The following OIT3 variants were observed in gnomAD, a reference collection of about 807,000 sequenced individuals.
OIT3 encodes the protein oncoprotein induced transcript 3.
OIT3 carries 41 observed loss-of-function variants against 52.2 expected under a neutral mutation model. The ratio of observed to expected loss-of-function variants is 0.79; its 90% confidence interval spans 0.61 to 1.02. OIT3 has a LOEUF of 1.02. Ranked by LOEUF, OIT3 falls within the 50% of genes least tolerant of loss-of-function variation. The pLI is 0.00. For missense variants in OIT3, 634 were observed against 715.5 expected (o/e 0.89, Z 1.30); for synonymous variants, 244 against 276.9 (o/e 0.88, Z 1.18).
Position 72,924,261 on chromosome 10 carries a change from C to T in OIT3, c.984C>T (p.Leu328=), listed in dbSNP as rs146101564. The change falls in exon 7 of 9, where the codon CTC becomes CTT. Residue 328 remains leucine (L), a synonymous_variant. Transcript: ENST00000334011. ...VVNDKIVASN[L]VTGLPKQTPG... ...ATGACAAGATTGTGGCCAGCAACCT[C>T]GTGACAGGTCTACCCAAGCAGACCC... The T allele has an allele frequency of 2.2e-5, 36 of 1,605,648 alleles. No homozygotes were observed. Among genetic ancestry groups the T allele is most frequent in the East Asian group, 8.9e-5 (4 of 44,734 alleles).
Position 72,926,722 on chromosome 10 carries a change from C to T in OIT3, c.1367+2078C>T, listed in dbSNP as rs370121308. ...CATCTGCAGATATGTGGATTTCTTG[C>T]CATGCTAAGGTGATTTCTAAAAAAC... On this transcript the variant is annotated intron_variant, in intron 7 of 8. Transcript: ENST00000334011. 2.4e-4 allele frequency among the ~76,000 whole-genome samples: 36 copies of T among 152,242 alleles called. 2 individuals carry two copies. The East Asian group carries it at 6.2e-3, about 26-fold the overall frequency.
chr10:72,919,583 T>C (rs1357405619), intron 6 of OIT3, among the ~76,000 whole-genome samples: 1 of 152,116 alleles, frequency 6.6e-6, no homozygotes, highest in Non-Finnish European at 1.5e-5. Flanking sequence ...TGGCTATGGG[T>C]TTGTCATATA....
At chr10:72,930,451 T>C in intron 7 of OIT3, 87 bp from the exon 8 acceptor site, 1 of 986,730 alleles carries the variant, frequency 1.0e-6, no homozygotes, top group Non-Finnish European at 1.6e-6. Context: ...CCCCTTTGGC[T>C]CTCCTTGGGC....
In OIT3 at chr10:72,898,916, G is replaced by T. The variant is rs35202765; in HGVS notation, c.314G>T (p.Cys105Phe). 172 of 1,614,106 alleles carry T rather than the reference G, an allele frequency of 1.1e-4. No individual in the cohort carries two copies. The highest frequency in any genetic ancestry group is 2.4e-5 in the Non-Finnish European group (28 of 1,180,050). Residue 105 changes from cysteine (C) to phenylalanine (F), a missense_variant, in exon 2 of 9, where the codon TGT (cysteine) becomes TTT (phenylalanine). Coordinates refer to ENST00000334011, the MANE Select transcript of OIT3 (RefSeq NM_152635.3). ...EGDGIVQRQA[C>F]ASFNGNCCLW... ...GACGGCATTGTGCAACGCCAGGCTT[G>T]TGCCAGCTTCAATGGGAACTGCTGT...
intron 7 of OIT3, among the ~76,000 whole-genome samples, chr10:72,928,315 T>C (rs1189128680): frequency 6.6e-6 from 1 of 152,224 alleles, no homozygotes; most frequent in Non-Finnish European, 1.5e-5. Context: ...GCCACTAGTT[T>C]TGATTCCATT....
intron 6 of OIT3, among the ~76,000 whole-genome samples, chr10:72,918,687 G>A (rs1426514821): frequency 6.6e-6 from 1 of 152,072 alleles, no homozygotes; most frequent in Non-Finnish European, 1.5e-5. Flanking sequence ...GTAAGGAAGG[G>A]GTCCAGTTTC....
intron 3 of OIT3, among the ~76,000 whole-genome samples, chr10:72,904,184 G>C (rs1589522165): frequency 1.3e-5 from 2 of 152,012 alleles, no homozygotes; most frequent in African/African-American, 2.4e-5. Context: ...TTGCTCAATC[G>C]ATCATGACCC....
At chr10:72,912,043 T>C (rs774924456) in intron 5 of OIT3, among the ~76,000 whole-genome samples, 4 of 152,156 alleles carry the variant, frequency 2.6e-5, no homozygotes, top group Non-Finnish European at 4.4e-5. Context: ...AACTTAACTT[T>C]CCTTTGCTGT....
Position 72,899,026 on chromosome 10 carries a change from G to A in OIT3, c.424G>A (p.Val142Ile), listed in dbSNP as rs765907290. ...GACCAAGCCCAGCGTCTGCTTCCAC[G>A]TCTACTGTGGTCGTGAGTACCTTCC... ...RLTKPSVCFH[V>I]YCGHFYDICD... The change falls in exon 2 of 9, where the codon GTC becomes ATC. Residue 142 changes from valine to isoleucine, a missense_variant. Val to Ile is a conservative substitution (Grantham distance 29). Transcript: ENST00000334011. 1.7e-5 allele frequency: 28 copies of A among 1,606,186 alleles called. 1 individual carries two copies. In the South Asian group the frequency reaches 1.8e-4, roughly 10 times the overall value.
chr10:72,930,671 A>C (rs752090489), intron 8 of OIT3, 34 bp downstream of exon 8: 3 of 1,247,392 alleles, frequency 2.4e-6, no homozygotes, highest in South Asian at 2.6e-5. Flanking sequence ...TAACCCCTGA[A>C]CCTGAGCCTT....
In OIT3 at chr10:72,900,488, A is replaced by G; in HGVS notation, c.544+4A>G. 6.5e-7 allele frequency: 1 copy of G among 1,537,934 alleles called. No homozygotes were observed. The highest frequency in any genetic ancestry group is 9.0e-7 in the Non-Finnish European group (1 of 1,111,938). On this transcript the variant is annotated splice_donor_region_variant and intron_variant, in intron 3 of 8. Coordinates refer to ENST00000334011, the MANE Select transcript of OIT3 (RefSeq NM_152635.3). ...CCTGACAGGCAGACATGCTTTGGTA[A>G]GAAACTCATCAAAGGTAGAATCAGG... is the stretch of plus-strand genomic sequence containing the variant.
chr10:72,924,093 C>T (rs1846144899), intron 6 of OIT3, 136 bp from the exon 7 acceptor site: 2 of 763,128 alleles, frequency 2.6e-6, no homozygotes, highest in Non-Finnish European at 4.1e-6. Context: ...AAAAACAAAA[C>T]AAAACTTCAT....
chr10:72,925,136 G>C (rs1473419481), intron 7 of OIT3, among the ~76,000 whole-genome samples: 1 of 132,318 alleles, frequency 7.6e-6, no homozygotes, highest in African/African-American at 3.0e-5. Flanking sequence ...AAAAAAAAAA[G>C]GCTCCAAGTG....
chr10:72,911,726 GA>G lies in OIT3; in HGVS notation c.678del (p.Cys227AlafsTer49). 1.2e-6 allele frequency: 2 copies of G among 1,613,424 alleles called. No individual in the cohort carries two copies. The highest frequency in any genetic ancestry group is 1.7e-6 in the Non-Finnish European group (2 of 1,179,628). On this transcript the variant is annotated frameshift_variant, in exon 5 of 9. Coordinates refer to ENST00000334011, the MANE Select transcript of OIT3 (RefSeq NM_152635.3). LOFTEE classifies it high-confidence loss of function. Reference protein sequence around the residue: ...SDGKTCEDVEGCHNNNGGCSH... With the variant: ...SDGKTCEDVEXCHNNNGGCSH... ...TTGGTTTCTACTGCAGACGTTGAAGGATGCCACAATAACAATGGTGGCTGCA... is the reference window on the plus strand; with the variant it reads ...TTGGTTTCTACTGCAGACGTTGAAGGTGCCACAATAACAATGGTGGCTGCA...
chr10:72,897,583 A>G (rs1485776251), intron 1 of OIT3, among the ~76,000 whole-genome samples: 2 of 152,228 alleles, frequency 1.3e-5, no homozygotes, highest in African/African-American at 4.8e-5. Context: ...AGTAGGTGAC[A>G]TGTGCCCGAG....
intron 3 of OIT3, among the ~76,000 whole-genome samples, chr10:72,904,004 GCC>G (rs1845955762): frequency 6.6e-6 from 1 of 152,158 alleles, no homozygotes; most frequent in African/African-American, 2.4e-5. Context: ...CAGGCAGACA[GCC>G]CGGCGCCACA....
intron 7 of OIT3, among the ~76,000 whole-genome samples, chr10:72,927,689 AG>A (rs1461066682): frequency 1.3e-5 from 2 of 152,090 alleles, no homozygotes; most frequent in African/African-American, 4.8e-5. Flanking sequence ...CTCTGACCTC[AG>A]CCCCCTCGAG....
chr10:72,929,396 G>C (rs931518885), intron 7 of OIT3, among the ~76,000 whole-genome samples: 1 of 151,794 alleles, frequency 6.6e-6, no homozygotes, highest in African/African-American at 2.4e-5. Flanking sequence ...TCTAGAATGG[G>C]AAAAATAATA....
intron 2 of OIT3, 125 bp downstream of exon 2, chr10:72,899,163 G>C: frequency 1.3e-6 from 1 of 791,792 alleles, no homozygotes; most frequent in South Asian, 2.1e-5. Flanking sequence ...ATTGATGTGG[G>C]GCTAAAGATA....
Sources: allele counts gnomAD v4.1 joint callset (sites outside exome capture counted in the v4.1 genomes callset), GRCh38; gene constraint gnomAD v4.1.1; transcripts MANE v1.5; gene names NCBI Gene and HGNC (gene_info 2026-07-23, HGNC 2026-07-21).